JPH2: variants seen among roughly 807,000 people sequenced by gnomAD.
JPH2 encodes junctophilin-2.
Under a neutral mutation model 55.9 loss-of-function variants are expected in JPH2, and 38 were observed. That is an observed-to-expected ratio of 0.68 (90% CI 0.52 to 0.89). The LOEUF (loss-of-function observed/expected upper bound fraction) is 0.89, where lower values mean the gene tolerates loss of function less well. Ranked by LOEUF, JPH2 falls within the 40% of genes least tolerant of loss-of-function variation. The pLI, the probability that JPH2 is intolerant of heterozygous loss-of-function variation, is 0.00. For missense variants in JPH2, 964 were observed against 1,037.6 expected (o/e 0.93, Z 0.97); for synonymous variants, 480 against 472.4 (o/e 1.02, Z -0.21).
intron 2 of JPH2, among the ~76,000 whole-genome samples, chr20:44,147,384 G>A (rs1020502259): frequency 1.3e-5 from 2 of 152,202 alleles, no homozygotes; most frequent in Non-Finnish European, 2.9e-5. Flanking sequence ...AATGAATCAT[G>A]GTACCTCCAC....
intron 1 of JPH2, among the ~76,000 whole-genome samples, chr20:44,183,243 G>A (rs2072801878): frequency 6.6e-6 from 1 of 152,238 alleles, no homozygotes; most frequent in South Asian, 2.1e-4. Context: ...GCTTTCTGCT[G>A]TGTCTCCAGT....
In JPH2 at chr20:44,116,054, C is replaced by A; in HGVS notation, c.1621G>T (p.Glu541Ter). The change falls in exon 4 of 6, where the codon GAG becomes TAG. Residue 541 changes from glutamate (E) to a stop codon, truncating the protein, a stop_gained. Coordinates refer to ENST00000372980, the MANE Select transcript of JPH2 (RefSeq NM_020433.5). LOFTEE classifies it high-confidence loss of function. ...TGCAGAGCCTCGATGGCCATGCGCTCGGTGGCTGGACGCGCGGGGCTGCGG... is the reference window on the plus strand; with the variant it reads ...TGCAGAGCCTCGATGGCCATGCGCTAGGTGGCTGGACGCGCGGGGCTGCGG... ...GRRSPARPAT[E>*]RMAIEALQAP... The A allele has an allele frequency of 6.4e-7, 1 of 1,561,866 alleles. No homozygotes were observed. The highest frequency in any genetic ancestry group is 2.4e-5 in the East Asian group (1 of 42,160).
rs114870681 is a variant in JPH2, at chr20:44,167,155, A to G, written c.380-6748T>C. 3.5e-3 allele frequency among the ~76,000 whole-genome samples: 526 copies of G among 152,318 alleles called. 6 individuals are homozygous for G. The highest frequency in any genetic ancestry group is 0.011 in the African/African-American group (452 of 41,578). ...AGCCCCATTCCCTGAGTGCTGCTGG[A>G]AACAGCCACATGTTATCATGTCATC... is the stretch of plus-strand genomic sequence containing the variant. On this transcript the variant is annotated intron_variant, in intron 1 of 5. Transcript: ENST00000372980.
intron 1 of JPH2, among the ~76,000 whole-genome samples, chr20:44,183,397 C>T (rs535925678): frequency 2.0e-5 from 3 of 152,334 alleles, no homozygotes; most frequent in South Asian, 4.1e-4. Context: ...CAGCCAGTGC[C>T]GGGTAGCAGC....
chr20:44,116,253 C>T lies in JPH2; in HGVS notation c.1422G>A (p.Glu474=). 6.6e-7 allele frequency: 1 copy of T among 1,510,302 alleles called. No homozygotes were observed. Among genetic ancestry groups the T allele is most frequent in the Non-Finnish European group, 8.8e-7 (1 of 1,135,080 alleles). 93.6% of individuals were successfully genotyped at this position (1,510,302 alleles called of 1,614,324 possible). ...CACCCTCGGGCCGAGGGGTCTCACG[C>T]TCGTGCAGCTGCGGGCTCTCGCGGG... ...QPPRESPQLH[E]RETPRPEGGS... is the part of the protein sequence containing the mutation. Residue 474 remains glutamate, a synonymous_variant, in exon 4 of 6, where the codon GAG becomes GAA. Transcript: ENST00000372980.
chr20:44,185,347 G>A (rs2072825503), intron 1 of JPH2, among the ~76,000 whole-genome samples: 1 of 151,894 alleles, frequency 6.6e-6, no homozygotes, highest in Non-Finnish European at 1.5e-5. Flanking sequence ...ATGTAGGCCC[G>A]GCACAGTGTC....
intron 3 of JPH2, 60 bp downstream of exon 3, chr20:44,118,445 A>C: frequency 7.3e-7 from 1 of 1,360,586 alleles, no homozygotes; most frequent in South Asian, 1.2e-5. Flanking sequence ...CAGTAAGCAA[A>C]GAAAAGCGCC....
At chr20:44,135,015 G>A (rs1285208161) in intron 2 of JPH2, among the ~76,000 whole-genome samples, 1 of 146,832 alleles carries the variant, frequency 6.8e-6, no homozygotes, top group Non-Finnish European at 1.5e-5. Flanking sequence ...ATACCAAGAG[G>A]GGTAGGGGGG....
intron 4 of JPH2, among the ~76,000 whole-genome samples, chr20:44,115,097 A>C (rs1399835552): frequency 1.3e-5 from 2 of 152,160 alleles, no homozygotes; most frequent in Non-Finnish European, 2.9e-5. Flanking sequence ...GGGAGGGACA[A>C]GATCATGCCC....
chr20:44,173,334 CA>C lies in JPH2; in HGVS notation c.380-12928del, dbSNP rs1173025141. 2.0e-5 allele frequency among the ~76,000 whole-genome samples: 3 copies of C among 152,112 alleles called. No individual in the cohort carries two copies. In the East Asian group the frequency reaches 5.8e-4, roughly 29 times the overall value. ...TTCTACCCAGACCTGTGACTCATAG[CA>C]AAAAACTAATTCAACCAGTCCTATA... On this transcript the variant is annotated intron_variant, in intron 1 of 5. Transcript: ENST00000372980.
intron 2 of JPH2, among the ~76,000 whole-genome samples, chr20:44,134,873 T>C (rs1418553746): frequency 1.6e-4 from 4 of 24,846 alleles, no homozygotes; most frequent in African/African-American, 8.6e-4. Flanking sequence ...TAAATATATA[T>C]ATTTATATAT....
rs1600860461 is a variant in JPH2 at position 44,163,888 on chromosome 20, C to G, written c.380-3481G>C. Reference sequence around the variant, plus strand: ...GCCAGGAGGGAGAGACACCTGGGCTCTGTTCCCTTCAATGACCAGCCTCAA... The same window carrying G: ...GCCAGGAGGGAGAGACACCTGGGCTGTGTTCCCTTCAATGACCAGCCTCAA... On this transcript the variant is annotated intron_variant, in intron 1 of 5. Coordinates refer to ENST00000372980, the MANE Select transcript of JPH2 (RefSeq NM_020433.5). Among the ~76,000 whole-genome samples the G allele has an allele frequency of 2.0e-5, 3 of 152,326 alleles. No homozygotes were observed. In the South Asian group the frequency reaches 6.2e-4, roughly 32 times the overall value.
At chr20:44,152,911 G>C (rs1268374314) in intron 2 of JPH2, among the ~76,000 whole-genome samples, 1 of 152,258 alleles carries the variant, frequency 6.6e-6, no homozygotes, top group Non-Finnish European at 1.5e-5. Context: ...TGTGGAACTT[G>C]AATAGCATTG....
chr20:44,114,953 G>T, intron 4 of JPH2, 77 bp from the exon 5 acceptor site: 2 of 1,123,970 alleles, frequency 1.8e-6, no homozygotes, highest in Non-Finnish European at 1.3e-6. Flanking sequence ...AGCAAGGCTG[G>T]ACAGAGCAGG....
chr20:44,118,331 G>A (rs529713647), intron 3 of JPH2, among the ~76,000 whole-genome samples, 174 bp downstream of exon 3: 4 of 152,226 alleles, frequency 2.6e-5, no homozygotes, highest in East Asian at 1.9e-4. Context: ...AGGCAGAGAT[G>A]TGTCTCCCCA....
Position 44,160,116 on chromosome 20 carries a change from C to T in JPH2, c.671G>A (p.Gly224Asp), listed in dbSNP as rs772816984. Residue 224 changes from glycine to aspartate, a missense_variant, in exon 2 of 6, where the codon GGC becomes GAC. Coordinates refer to ENST00000372980, the MANE Select transcript of JPH2 (RefSeq NM_020433.5). The surrounding 1 kb of genome is among the most constrained non-coding windows in gnomAD (Gnocchi z 4.9). Reference sequence around the variant, plus strand: ...GCGCCGCAGCTTGCCCAGCAGCGCGCCCCGCTGGAAGAGGCCGCCGCCCTT... The same window carrying T: ...GCGCCGCAGCTTGCCCAGCAGCGCGTCCCGCTGGAAGAGGCCGCCGCCCTT... ...APKGGGLFQR[G>D]ALLGKLRRAE... The T allele has an allele frequency of 2.0e-6, 3 of 1,517,570 alleles. No individual in the cohort carries two copies. The highest frequency in any genetic ancestry group is 2.6e-6 in the Non-Finnish European group (3 of 1,138,322). The allele number at this position is 1,517,570 out of a possible 1,614,324, so 94.0% of individuals were successfully genotyped here.
At chr20:44,124,972 G>A (rs966983231) in intron 2 of JPH2, among the ~76,000 whole-genome samples, 34 of 124,590 alleles carry the variant, frequency 2.7e-4, no homozygotes, top group African/African-American at 8.7e-4. Context: ...AGCTGGGCAC[G>A]GTGGTGCGCA....
At chr20:44,127,001 C>T (rs2072281583) in intron 2 of JPH2, among the ~76,000 whole-genome samples, 1 of 152,218 alleles carries the variant, frequency 6.6e-6, no homozygotes, top group East Asian at 1.9e-4. Context: ...CAAATATTAG[C>T]TATCATTATT....
At chr20:44,148,517 CA>C in intron 2 of JPH2, among the ~76,000 whole-genome samples, 1 of 152,208 alleles carries the variant, frequency 6.6e-6, no homozygotes, top group Middle Eastern at 3.2e-3. Flanking sequence ...GGAAAGGAAA[CA>C]AAGGGTTCTT....
Sources: gnomAD v4.1 joint callset for allele counts (sites outside exome capture counted in the v4.1 genomes callset) on GRCh38, gnomAD v4.1.1 for gene constraint, Gnocchi (gnomAD v3.1) non-coding constraint, MANE v1.5 for transcripts, NCBI Gene and HGNC (gene_info 2026-07-23, HGNC 2026-07-21) for gene names.